The following CENPP variants were observed in gnomAD, a reference collection of about 807,000 sequenced individuals.
CENPP encodes the protein centromere protein P.
In CENPP, 24 loss-of-function variants were observed where a neutral mutation model predicts 35.6. The observed-to-expected ratio is 0.67, with a 90% CI of 0.49 to 0.95. The LOEUF is 0.95. Ranked by LOEUF, CENPP falls within the 40% of genes least tolerant of loss-of-function variation. The pLI, the probability that CENPP is intolerant of heterozygous loss-of-function variation, is 0.00. For missense variants in CENPP, 332 were observed against 345.3 expected (o/e 0.96, Z 0.31); for synonymous variants, 120 against 125.5 (o/e 0.96, Z 0.29).
chr9:92,392,983 A>G (rs1842747607), intron 5 of CENPP: 2 of 868,878 alleles, frequency 2.3e-6, no homozygotes, highest in Non-Finnish European at 3.5e-6. Flanking sequence ...ACTTCAAGTG[A>G]CAAACCTGAA....
intron 5 of CENPP, among the ~76,000 whole-genome samples, chr9:92,595,989 C>G (rs1313115181): frequency 6.6e-6 from 1 of 151,970 alleles, no homozygotes; most frequent in Non-Finnish European, 1.5e-5. Context: ...AAATTCTATA[C>G]CCAAACTATT....
At chr9:92,591,502 A>G (rs986049056) in intron 5 of CENPP, among the ~76,000 whole-genome samples, 3 of 151,782 alleles carry the variant, frequency 2.0e-5, no homozygotes, top group Non-Finnish European at 4.4e-5. Flanking sequence ...TTGTGTGTCA[A>G]TCCTAACTCA....
chr9:92,598,833 C>T (rs1470117717), intron 5 of CENPP, among the ~76,000 whole-genome samples: 1 of 150,500 alleles, frequency 6.6e-6, no homozygotes, highest in Admixed American at 6.6e-5. Flanking sequence ...GGAGGCCAGG[C>T]GCAGTGGCTC....
At chr9:92,370,181 A>G (rs1841976630) in intron 4 of CENPP, among the ~76,000 whole-genome samples, 1 of 152,110 alleles carries the variant, frequency 6.6e-6, no homozygotes. Context: ...ATCATGGTAT[A>G]TTATCTTTCT....
intron 5 of CENPP, among the ~76,000 whole-genome samples, chr9:92,406,853 A>G (rs1462220083): frequency 3.3e-5 from 5 of 152,128 alleles, no homozygotes; most frequent in African/African-American, 1.2e-4. Context: ...CTAGAGGAGG[A>G]AATAGTCTTC....
Position 92,551,968 on chromosome 9 carries a change from GAT to G in CENPP, c.565-59339_565-59338del, listed in dbSNP as rs1491041848. ...ATATATATATGATATATATATGTGT[GAT>G]ATATATGTGTGTGTATATATGTGAT... On this transcript the variant is annotated intron_variant, in intron 5 of 7. Transcript: ENST00000375587. Among the ~76,000 whole-genome samples, 50 of 97,932 alleles carry G rather than the reference GAT, an allele frequency of 5.1e-4. 1 individual carries two copies. The highest frequency in any genetic ancestry group is 1.1e-3 in the East Asian group (5 of 4,494). 64.2% of individuals were successfully genotyped at this position (97,932 alleles called of 152,430 possible).
chr9:92,360,857 A>G (rs948117534), intron 4 of CENPP, among the ~76,000 whole-genome samples: 1 of 151,264 alleles, frequency 6.6e-6, no homozygotes, highest in African/African-American at 2.4e-5. Flanking sequence ...GGCGCCCACC[A>G]CCACACCCGG....
At chr9:92,505,573 T>G (rs1486477304) in intron 5 of CENPP, 2 of 1,607,728 alleles carry the variant, frequency 1.2e-6, no homozygotes, top group South Asian at 2.3e-5. Context: ...AATTCTAAAT[T>G]TATTTTTTCC....
chr9:92,325,617 A>G, upstream of CENPP: 1 of 203,838 alleles, frequency 4.9e-6, no homozygotes, highest in South Asian at 7.6e-5. Flanking sequence ...TGAAAAAAAT[A>G]AAGAGGCGCT....
Position 92,619,477 on chromosome 9 carries a change from G to A in CENPP, c.*6328G>A. The A allele has an allele frequency of 6.3e-7, 1 of 1,578,926 alleles. No homozygotes were observed. Among genetic ancestry groups the A allele is most frequent in the South Asian group, 1.2e-5 (1 of 85,926 alleles). ...ACCCAGGCTGCATGCCTTGCAGTGG[G>A]GGCCTCACCTGGCATCCTGCAGACA... On this transcript the variant is annotated 3_prime_UTR_variant, in exon 8 of 8. Transcript: ENST00000375587.
intron 5 of CENPP, among the ~76,000 whole-genome samples, chr9:92,576,857 C>A (rs996761311): frequency 6.6e-5 from 10 of 152,032 alleles, no homozygotes; most frequent in African/African-American, 1.9e-4. Context: ...TAAAGACAGA[C>A]AACTCAGTAT....
At chr9:92,545,445 C>T (rs533379337) in intron 5 of CENPP, among the ~76,000 whole-genome samples, 2 of 152,310 alleles carry the variant, frequency 1.3e-5, no homozygotes, top group East Asian at 1.9e-4. Context: ...GGCCCACCGG[C>T]GCTGTGCTTG....
At chr9:92,385,396 A>G (rs372292035) in intron 5 of CENPP, 1 of 450,610 alleles carries the variant, frequency 2.2e-6, no homozygotes. Flanking sequence ...GGATTTTGTA[A>G]TGCTGTTTAA....
At chr9:92,567,389 T>TATATATATATATATATAG (rs1564005567) in intron 5 of CENPP, among the ~76,000 whole-genome samples, 9 of 98,042 alleles carry the variant, frequency 9.2e-5, no homozygotes, top group South Asian at 2.5e-4. Context: ...TATATATATA[T>TATATATATATATATATAG]ATATATAGAT....
chr9:92,330,209 C>A (rs145056079), intron 1 of CENPP, among the ~76,000 whole-genome samples: 3 of 152,048 alleles, frequency 2.0e-5, no homozygotes, highest in Admixed American at 2.0e-4. Flanking sequence ...AGGTATAGAG[C>A]CTGACATACC....
At chr9:92,554,165 T>C (rs908166064) in intron 5 of CENPP, among the ~76,000 whole-genome samples, 1 of 151,626 alleles carries the variant, frequency 6.6e-6, no homozygotes, top group Non-Finnish European at 1.5e-5. Context: ...ATTAAGATTA[T>C]CATGTGATTT....
At chr9:92,430,982 G>C (rs1436201129) in intron 5 of CENPP, among the ~76,000 whole-genome samples, 2 of 151,956 alleles carry the variant, frequency 1.3e-5, no homozygotes, top group Non-Finnish European at 2.9e-5. Flanking sequence ...TTTTAGTAGA[G>C]ACAGGGTTTC....
chr9:92,542,668 C>T (rs1228908432), intron 5 of CENPP, among the ~76,000 whole-genome samples: 1 of 152,176 alleles, frequency 6.6e-6, no homozygotes, highest in Non-Finnish European at 1.5e-5. Context: ...AGGCATGCAC[C>T]ACCACACCCA....
intron 5 of CENPP, among the ~76,000 whole-genome samples, chr9:92,463,274 A>G (rs1015111587): frequency 1.3e-5 from 2 of 152,196 alleles, no homozygotes; most frequent in South Asian, 4.1e-4. Context: ...GCATCCTTTC[A>G]TCTTGCCACA....
Sources: allele counts gnomAD v4.1 joint callset (sites outside exome capture counted in the v4.1 genomes callset), GRCh38; gene constraint gnomAD v4.1.1; transcripts MANE v1.5; gene names NCBI Gene and HGNC (gene_info 2026-07-23, HGNC 2026-07-21).